Variants in ANP32A observed in about 807,000 individuals in gnomAD.
ANP32A encodes the protein acidic nuclear phosphoprotein 32 family member A.
A neutral mutation model predicts 33.9 loss-of-function variants in ANP32A; 1 was observed. That is an observed-to-expected ratio of 0.03 (90% CI 0.01 to 0.14). ANP32A has a LOEUF of 0.14. ANP32A is among the 10% of genes least tolerant of loss of function. ANP32A has a pLI of 1.00. For synonymous variants in ANP32A, 115 were observed against 120.5 expected (o/e 0.95, Z 0.30); for missense variants, 155 against 306.0 (o/e 0.51, Z 3.68).
chr15:68,818,619 A>AAC (rs3084749), intron 1 of ANP32A, among the ~76,000 whole-genome samples: 13,035 of 151,328 alleles, frequency 0.086, 1,713 homozygotes, highest in African/African-American at 0.28. Flanking sequence ...TCCCCTCCCC[A>AAC]ACACACACAC....
chr15:68,792,216 C>G (rs1261241789), intron 1 of ANP32A: 1 of 152,076 alleles, frequency 6.6e-6, no homozygotes, highest in Non-Finnish European at 1.5e-5. Flanking sequence ...AAAATTTGTA[C>G]TTTTGTAGAC....
At chr15:68,818,284 A>G in intron 1 of ANP32A, 1 of 267,238 alleles carries the variant, frequency 3.7e-6, no homozygotes, top group Non-Finnish European at 7.9e-6. Flanking sequence ...CATGGCCACC[A>G]GCTCCCGGAG....
At chr15:68,805,330 C>G (rs1469436805) in intron 1 of ANP32A, among the ~76,000 whole-genome samples, 1 of 152,248 alleles carries the variant, frequency 6.6e-6, no homozygotes, top group Non-Finnish European at 1.5e-5. Context: ...CAGCTCCAGG[C>G]AGTCAGCCGT....
chr15:68,780,666 G>T lies in ANP32A; in HGVS notation c.625-193C>A. On this transcript the variant is annotated intron_variant, in intron 5 of 6. Coordinates refer to ENST00000465139, the MANE Select transcript of ANP32A (RefSeq NM_006305.4). The surrounding 1 kb of genome is among the most constrained non-coding windows in gnomAD (Gnocchi z 4.3). ...AGATCAAGGACTCATTGGGAAATCT[G>T]CAGAAAGCTTTGAACTCCTTCTCCA... is the stretch of plus-strand genomic sequence containing the variant. The T allele has an allele frequency of 1.1e-6, 1 of 927,802 alleles. No individual in the cohort carries two copies. 57.5% of individuals were successfully genotyped at this position (927,802 alleles called of 1,614,324 possible).
rs1431965733 is a variant in ANP32A, at chr15:68,820,839, TGAAGGCTCAACCAGCTCCGCTCGGTTCTC to T, written c.-117_-89del. 3.2e-5 allele frequency: 49 copies of T among 1,519,952 alleles called. No homozygotes were observed. Among genetic ancestry groups the T allele is most frequent in the Non-Finnish European group, 4.3e-5 (47 of 1,101,012 alleles). The allele number at this position is 1,519,952 out of a possible 1,614,324, so 94.2% of individuals were successfully genotyped here. On this transcript the variant is annotated 5_prime_UTR_variant, in exon 1 of 7. Transcript: ENST00000465139. The stretch of plus-strand genomic sequence containing the variant: ...CCCACGGCCGCGCGTTTTAGGACTT[TGAAGGCTCAACCAGCTCCGCTCGGTTCTC>T]GAGCCCCCAGCACCCGCGGCGCACA...
In ANP32A at chr15:68,784,536, G is replaced by A. The variant is rs780584322; in HGVS notation, c.387C>T (p.Asn129=). 1.7e-5 allele frequency: 28 copies of A among 1,614,046 alleles called. No homozygotes were observed. The highest frequency in any genetic ancestry group is 6.7e-5 in the Admixed American group (4 of 59,994). ...DLFNCEVTNL[N]DYRENVFKLL... ...GCTTGAACACATTTTCTCGGTAGTC[G>A]TTCAGGTTGGTTACCTCGCAATTGA... Residue 129 remains asparagine, a synonymous_variant, in exon 4 of 7, where the codon AAC becomes AAT. Transcript: ENST00000465139.
chr15:68,782,280 G>A (rs905749583), intron 5 of ANP32A, among the ~76,000 whole-genome samples: 1 of 152,182 alleles, frequency 6.6e-6, no homozygotes, highest in African/African-American at 2.4e-5. Context: ...GTCAGACACT[G>A]TCCTTAAGCA....
chr15:68,784,217 G>T, intron 4 of ANP32A, 180 bp downstream of exon 4: 1 of 659,130 alleles, frequency 1.5e-6, no homozygotes, highest in Non-Finnish European at 2.6e-6. Flanking sequence ...GGAAAACAAA[G>T]CAGACAGCCC....
At chr15:68,807,408 G>A (rs192940308) in intron 1 of ANP32A, among the ~76,000 whole-genome samples, 107 of 122,064 alleles carry the variant, frequency 8.8e-4, no homozygotes, top group African/African-American at 2.9e-3. Flanking sequence ...TATTCCTCCC[G>A]CCCCACCTCC....
chr15:68,817,238 C>T (rs1894394996), intron 1 of ANP32A: 1 of 152,260 alleles, frequency 6.6e-6, no homozygotes. Flanking sequence ...TCATCCCTCT[C>T]TTTCGCTTTA....
intron 3 of ANP32A, 75 bp downstream of exon 3, chr15:68,787,338 C>A (rs1340512506): frequency 1.3e-6 from 2 of 1,594,654 alleles, no homozygotes; most frequent in African/African-American, 2.7e-5. Flanking sequence ...AGGACAAATG[C>A]AAAAGTAGTA....
At chr15:68,788,543 C>T (rs1249230760) in intron 1 of ANP32A, among the ~76,000 whole-genome samples, 1 of 152,222 alleles carries the variant, frequency 6.6e-6, no homozygotes, top group African/African-American at 2.4e-5. Flanking sequence ...CGGAAACGGT[C>T]TGTACTGTTC....
At chr15:68,794,777 GA>G (rs34398614) in intron 1 of ANP32A, among the ~76,000 whole-genome samples, 46,986 of 152,108 alleles carry the variant, frequency 0.31, 8,343 homozygotes, top group South Asian at 0.5. Context: ...AGCTCTGACA[GA>G]AAAGTTAGAC....
At chr15:68,807,849 CTTTTACAAAAG>C (rs1894257487) in intron 1 of ANP32A, among the ~76,000 whole-genome samples, 1 of 152,184 alleles carries the variant, frequency 6.6e-6, no homozygotes, top group African/African-American at 2.4e-5. Context: ...GGCCCCCGCC[CTTTTACAAAAG>C]GTCCACGGCC....
chr15:68,816,274 A>T (rs889716997), intron 1 of ANP32A, among the ~76,000 whole-genome samples: 1 of 152,214 alleles, frequency 6.6e-6, no homozygotes. Flanking sequence ...AGGGTGTTTC[A>T]AAGGAGGCAG....
Position 68,787,922 on chromosome 15 carries a change from G to A in ANP32A, c.55-3C>T. On this transcript the variant is annotated splice_region_variant and splice_polypyrimidine_tract_variant and intron_variant, in intron 1 of 6. Transcript: ENST00000465139. ...TTGTCCAGGACAAGTTCTTTCACCT[G>A]AAAGAAGGCCCGACCGTGTGAGCGG... 6.2e-7 allele frequency: 1 copy of A among 1,614,116 alleles called. No individual in the cohort carries two copies. Among genetic ancestry groups the A allele is most frequent in the Non-Finnish European group, 8.5e-7 (1 of 1,180,036 alleles).
intron 1 of ANP32A, among the ~76,000 whole-genome samples, chr15:68,798,889 G>C (rs1171838740): frequency 6.6e-6 from 1 of 152,196 alleles, no homozygotes; most frequent in Non-Finnish European, 1.5e-5. Flanking sequence ...AGCAAACGCC[G>C]CCTCGGCACT....
At chr15:68,800,199 C>T (rs560714615) in intron 1 of ANP32A, among the ~76,000 whole-genome samples, 1 of 152,220 alleles carries the variant, frequency 6.6e-6, no homozygotes, top group South Asian at 2.1e-4. Context: ...TCTTAAAATG[C>T]TATGATTTGA....
chr15:68,799,505 C>A lies in ANP32A; in HGVS notation c.55-11586G>T, dbSNP rs1351214193. Among the ~76,000 whole-genome samples, 3 of 152,152 alleles carry A rather than the reference C, an allele frequency of 2.0e-5. No homozygotes were observed. The South Asian group carries it at 6.2e-4, about 31-fold the overall frequency. Reference sequence around the variant, plus strand: ...CTAAAAAACAAAAACAAACCCCAAACCAAAAAACTATGAAGAGAGTCAGGG... The same window carrying A: ...CTAAAAAACAAAAACAAACCCCAAAACAAAAAACTATGAAGAGAGTCAGGG... On this transcript the variant is annotated intron_variant, in intron 1 of 6. Transcript: ENST00000465139.
Sources: gnomAD v4.1 joint callset for allele counts (sites outside exome capture counted in the v4.1 genomes callset) on GRCh38, gnomAD v4.1.1 for gene constraint, Gnocchi (gnomAD v3.1) non-coding constraint, MANE v1.5 for transcripts, NCBI Gene and HGNC (gene_info 2026-07-23, HGNC 2026-07-21) for gene names.